CCDC178: variants seen among roughly 807,000 people sequenced by gnomAD.
CCDC178 encodes the protein coiled-coil domain containing 178, also known as coiled-coil domain-containing protein 178.
Under a neutral mutation model 117.4 loss-of-function variants are expected in CCDC178, and 126 were observed. That is an observed-to-expected ratio of 1.07 (90% CI 0.93 to 1.24). The LOEUF (loss-of-function observed/expected upper bound fraction) is 1.24, where lower values mean the gene tolerates loss of function less well. Ranked by LOEUF, CCDC178 falls within the 50% of genes most tolerant of loss-of-function variation. CCDC178 has a pLI of 0.00. For missense variants in CCDC178, 1,030 were observed against 986.9 expected, an observed-to-expected ratio of 1.04 and a Z score of -0.59; for synonymous variants, 283 against 313.4, an observed-to-expected ratio of 0.90 and a Z score of 1.02.
chr18:33,428,451 A>T (rs967088913), intron 2 of CCDC178, among the ~76,000 whole-genome samples: 22 of 152,064 alleles, frequency 1.4e-4, no homozygotes, highest in African/African-American at 5.3e-4. Flanking sequence ...GCAGAGTCGG[A>T]TTTAGCCCAG....
intron 3 of CCDC178, among the ~76,000 whole-genome samples, chr18:33,398,567 G>T (rs2063670333): frequency 6.6e-6 from 1 of 152,122 alleles, no homozygotes; most frequent in Non-Finnish European, 1.5e-5. Flanking sequence ...TGAGGGCAAG[G>T]AGTATATCTA....
chr18:33,148,250 C>T (rs1026647053), intron 20 of CCDC178, among the ~76,000 whole-genome samples: 10 of 152,198 alleles, frequency 6.6e-5, no homozygotes, highest in East Asian at 3.9e-4. Context: ...AGCCAAACCC[C>T]GTCTCCACCA....
At chr18:33,297,599 A>G (rs2062122087) in intron 11 of CCDC178, among the ~76,000 whole-genome samples, 1 of 152,242 alleles carries the variant, frequency 6.6e-6, no homozygotes, top group Non-Finnish European at 1.5e-5. Context: ...TCCTAGACAC[A>G]TACAACCTAT....
chr18:33,389,522 T>C lies in CCDC178; in HGVS notation c.208+18A>G, dbSNP rs372345798. 2.9e-5 allele frequency: 37 copies of C among 1,293,434 alleles called. No homozygotes were observed. In the African/African-American group the frequency reaches 4.3e-4, roughly 15 times the overall value. 80.1% of individuals were successfully genotyped at this position (1,293,434 alleles called of 1,614,324 possible). A position where few individuals can be genotyped will look rare whatever the true frequency, so the allele number is the denominator to read the frequency against. ...ATAGTTTATATAGTTTACTATATGATTTACATTCAGTCCTCACCTTCAGTA... is the reference window on the plus strand; with the variant it reads ...ATAGTTTATATAGTTTACTATATGACTTACATTCAGTCCTCACCTTCAGTA... On this transcript the variant is annotated intron_variant, in intron 5 of 22. Coordinates refer to ENST00000383096, the MANE Select transcript of CCDC178 (RefSeq NM_001105528.4).
At chr18:32,995,166 G>A (rs1195796900) in intron 21 of CCDC178, among the ~76,000 whole-genome samples, 2 of 151,954 alleles carry the variant, frequency 1.3e-5, no homozygotes, top group East Asian at 1.9e-4. Context: ...AAATAAATGC[G>A]ATCGCTTATC....
intron 2 of CCDC178, among the ~76,000 whole-genome samples, chr18:33,418,253 T>C (rs760984405): frequency 7.2e-5 from 11 of 152,338 alleles, no homozygotes; most frequent in African/African-American, 1.4e-4. Context: ...ATCATCTCAA[T>C]AGATGCAGAA....
At chr18:32,978,417 A>C (rs1250671972) in intron 21 of CCDC178, among the ~76,000 whole-genome samples, 2 of 152,126 alleles carry the variant, frequency 1.3e-5, no homozygotes, top group Admixed American at 1.3e-4. Context: ...GATGCTGCAA[A>C]GAATGATTGA....
At chr18:33,343,029 C>T (rs555860631) in intron 9 of CCDC178, among the ~76,000 whole-genome samples, 1 of 152,252 alleles carries the variant, frequency 6.6e-6, no homozygotes, top group East Asian at 1.9e-4. Flanking sequence ...TTTCACCCTT[C>T]CCATCATGTG....
At chr18:33,398,942 G>T (rs9950043) in intron 3 of CCDC178, among the ~76,000 whole-genome samples, 2,377 of 152,160 alleles carry the variant, frequency 0.016, 59 homozygotes, top group African/African-American at 0.053. Context: ...CAATATTTCC[G>T]TTTTAAAAAG....
chr18:33,333,620 A>G (rs2062703019), intron 9 of CCDC178, among the ~76,000 whole-genome samples: 1 of 148,644 alleles, frequency 6.7e-6, no homozygotes, highest in Non-Finnish European at 1.5e-5. Context: ...GGTTCAAGCA[A>G]TTCTGCCTCA....
At chr18:33,423,608 G>A (rs567820877) in intron 2 of CCDC178, among the ~76,000 whole-genome samples, 1 of 152,202 alleles carries the variant, frequency 6.6e-6, no homozygotes, top group East Asian at 1.9e-4. Flanking sequence ...TCTAGGGCAG[G>A]CATGTGGGGA....
At chr18:32,983,356 A>C (rs894150657) in intron 21 of CCDC178, 58 of 1,506,158 alleles carry the variant, frequency 3.9e-5, no homozygotes, top group Non-Finnish European at 5.0e-5. Context: ...CTGCAACCTA[A>C]GAATAGAAAT....
intron 20 of CCDC178, among the ~76,000 whole-genome samples, chr18:33,179,189 G>A (rs1231776124): frequency 7.6e-6 from 1 of 131,670 alleles, no homozygotes; most frequent in Non-Finnish European, 1.6e-5. Flanking sequence ...GGAGCATATA[G>A]TAGCATGGAA....
chr18:33,356,028 C>A (rs759600155), intron 7 of CCDC178, among the ~76,000 whole-genome samples: 32 of 152,100 alleles, frequency 2.1e-4, no homozygotes, highest in Non-Finnish European at 4.3e-4. Context: ...TGAATTTTCC[C>A]CTAGTGGTTA....
chr18:33,052,584 A>G (rs2056764865), intron 21 of CCDC178, among the ~76,000 whole-genome samples: 1 of 152,158 alleles, frequency 6.6e-6, no homozygotes, highest in South Asian at 2.1e-4. Context: ...GTTCATATTG[A>G]TTAAGAGGAA....
chr18:33,219,603 G>T (rs1012056645), intron 18 of CCDC178, among the ~76,000 whole-genome samples: 3 of 152,028 alleles, frequency 2.0e-5, no homozygotes, highest in Non-Finnish European at 4.4e-5. Flanking sequence ...GCCATAAAAA[G>T]GATGAGTTCA....
intron 21 of CCDC178, among the ~76,000 whole-genome samples, chr18:33,010,529 C>T (rs2055842548): frequency 6.6e-6 from 1 of 152,072 alleles, no homozygotes. Flanking sequence ...GTTTAAAAGT[C>T]CAGAAAACAC....
intron 20 of CCDC178, among the ~76,000 whole-genome samples, chr18:33,114,373 G>C (rs1271416980): frequency 6.6e-6 from 1 of 152,036 alleles, no homozygotes; most frequent in Admixed American, 6.6e-5. Context: ...CGAGAGAATG[G>C]GGGGTGGGGA....
intron 21 of CCDC178, among the ~76,000 whole-genome samples, chr18:33,067,768 G>T (rs1042662055): frequency 2.0e-5 from 3 of 152,082 alleles, no homozygotes; most frequent in Non-Finnish European, 4.4e-5. Context: ...GGAGGCAGAG[G>T]TTGCAGAGAG....
Sources: allele counts gnomAD v4.1 joint callset (sites outside exome capture counted in the v4.1 genomes callset), GRCh38; gene constraint gnomAD v4.1.1; transcripts MANE v1.5; gene names NCBI Gene and HGNC (gene_info 2026-07-23, HGNC 2026-07-21).